BCL2L13: variants seen among roughly 807,000 people sequenced by gnomAD.
BCL2L13 encodes bcl-2-like protein 13.
BCL2L13 carries 13 observed loss-of-function variants against 25.8 expected under a neutral mutation model. The ratio of observed to expected loss-of-function variants is 0.50; its 90% CI spans 0.33 to 0.80. The LOEUF is 0.80. BCL2L13 is among the 30% of genes least tolerant of loss of function. The probability of loss-of-function intolerance (pLI) is 0.02; values close to 1 mark genes in which losing one functional copy is unlikely to be tolerated. For synonymous variants in BCL2L13, 244 were observed against 230.3 expected (o/e 1.06, Z -0.54); for missense variants, 504 against 574.9 (o/e 0.88, Z 1.26).
chr22:17,713,247 T>C (rs1243322899), intron 6 of BCL2L13, among the ~76,000 whole-genome samples: 1 of 152,182 alleles, frequency 6.6e-6, no homozygotes, highest in African/African-American at 2.4e-5. Context: ...AACATAAGAA[T>C]GTGACTATGA....
chr22:17,637,268 A>C (rs1216963351), upstream of BCL2L13, among the ~76,000 whole-genome samples: 1 of 150,968 alleles, frequency 6.6e-6, no homozygotes, highest in East Asian at 2.0e-4. Context: ...TTAGCTGGGC[A>C]TGGTGGTGGG....
intron 6 of BCL2L13, among the ~76,000 whole-genome samples, chr22:17,705,172 C>T (rs2060554526): frequency 2.0e-5 from 3 of 151,694 alleles, no homozygotes; most frequent in Non-Finnish European, 4.4e-5. Flanking sequence ...ACTTGGGAGG[C>T]TAAGGCAGGA....
chr22:17,725,998 C>T (rs2535687), intron 6 of BCL2L13, among the ~76,000 whole-genome samples: 131,027 of 151,986 alleles, frequency 0.86, 56,669 homozygotes, highest in East Asian at 0.94. Context: ...CTGCAACCCA[C>T]CACATGAGGT....
chr22:17,690,628 T>A (rs1489736323), intron 4 of BCL2L13, among the ~76,000 whole-genome samples: 1 of 152,088 alleles, frequency 6.6e-6, no homozygotes, highest in African/African-American at 2.4e-5. Context: ...GCCAGTGTGA[T>A]GGCATGTTCC....
At chr22:17,643,435 C>T (rs1172622557) in intron 1 of BCL2L13, among the ~76,000 whole-genome samples, 1 of 151,660 alleles carries the variant, frequency 6.6e-6, no homozygotes, top group African/African-American at 2.4e-5. Flanking sequence ...TTATTTTACT[C>T]TCTTTCAGAG....
chr22:17,698,968 T>C (rs961314445), intron 5 of BCL2L13, among the ~76,000 whole-genome samples: 1 of 152,246 alleles, frequency 6.6e-6, no homozygotes, highest in African/African-American at 2.4e-5. Flanking sequence ...TTACAAGTTA[T>C]TTTTCCTGTA....
At chr22:17,657,060 C>T (rs1166822749) in intron 2 of BCL2L13, among the ~76,000 whole-genome samples, 1 of 152,088 alleles carries the variant, frequency 6.6e-6, no homozygotes, top group African/African-American at 2.4e-5. Context: ...CTCAGGCAAT[C>T]TGCCCGCCTT....
At chr22:17,715,172 T>TATATA (rs2060909726) in intron 6 of BCL2L13, among the ~76,000 whole-genome samples, 1 of 9,386 alleles carries the variant, frequency 1.1e-4, no homozygotes, top group Non-Finnish European at 2.1e-4. Flanking sequence ...ATATATATAT[T>TATATA]TTTTTTTTTT....
At position 17,730,733 on chromosome 22, in the gene BCL2L13, A is replaced by C. The variant is rs1371917825; in HGVS notation, c.*3199A>C. 2.6e-5 allele frequency: 4 copies of C among 152,118 alleles called. No individual in the cohort carries two copies. Among genetic ancestry groups the C allele is most frequent in the African/African-American group, 9.7e-5 (4 of 41,416 alleles). The allele number at this position is 152,118 out of a possible 1,614,324, so 9.4% of individuals were successfully genotyped here. ...GGCCTTGTAGGCTATCTGATTGCTA[A>C]CAGACACGACCTAGAGCTTCTGCCC... On this transcript the variant is annotated 3_prime_UTR_variant, in exon 7 of 7. Coordinates refer to ENST00000317582, the MANE Select transcript of BCL2L13 (RefSeq NM_015367.4).
intron 2 of BCL2L13, among the ~76,000 whole-genome samples, chr22:17,668,965 A>G (rs751803930): frequency 6.6e-6 from 1 of 151,308 alleles, no homozygotes; most frequent in African/African-American, 2.4e-5. Flanking sequence ...TTATATTGCT[A>G]TAAAGGTACA....
intron 5 of BCL2L13, among the ~76,000 whole-genome samples, chr22:17,697,865 G>A (rs2060310788): frequency 6.6e-6 from 1 of 152,080 alleles, no homozygotes; most frequent in Non-Finnish European, 1.5e-5. Context: ...GTCTAACTCT[G>A]TCGCCCAGGC....
At chr22:17,668,714 C>G (rs567839671) in intron 2 of BCL2L13, among the ~76,000 whole-genome samples, 144 of 152,268 alleles carry the variant, frequency 9.5e-4, no homozygotes, top group African/African-American at 3.1e-3. Flanking sequence ...ATCCACCTGC[C>G]TTGGCCTCCC....
At chr22:17,636,974 C>T (rs1191604284), upstream of BCL2L13, among the ~76,000 whole-genome samples, 1 of 151,920 alleles carries the variant, frequency 6.6e-6, no homozygotes, top group African/African-American at 2.4e-5. Context: ...CTGCACAGAC[C>T]TTAAAAGTAA....
At chr22:17,722,033 T>G (rs1038378497) in intron 6 of BCL2L13, among the ~76,000 whole-genome samples, 51 of 152,174 alleles carry the variant, frequency 3.4e-4, no homozygotes, top group Non-Finnish European at 1.5e-4. Flanking sequence ...TTGGTGTACG[T>G]TTTTCTAAAC....
chr22:17,660,084 G>C lies in BCL2L13; in HGVS notation c.121+4252G>C, dbSNP rs1379832298. 1.4e-5 allele frequency among the ~76,000 whole-genome samples: 2 copies of C among 145,972 alleles called. 1 individual carries two copies. Among genetic ancestry groups the C allele is most frequent in the Admixed American group, 1.4e-4 (2 of 14,584 alleles). ...TTGGCCAGGCTGGTCTCGAACTCTT[G>C]TTCTCAGGTGATCCACCCCACCTTG... On this transcript the variant is annotated intron_variant, in intron 2 of 6. Coordinates refer to ENST00000317582, the MANE Select transcript of BCL2L13 (RefSeq NM_015367.4).
Position 17,700,326 on chromosome 22 carries a change from A to G in BCL2L13, c.457-1917A>G, listed in dbSNP as rs146738966. Among the ~76,000 whole-genome samples the G allele has an allele frequency of 4.9e-3, 741 of 152,350 alleles. 2 individuals carry two copies. Among genetic ancestry groups the G allele is most frequent in the South Asian group, 0.012 (59 of 4,822 alleles). The stretch of plus-strand genomic sequence containing the variant: ...AGGAGTGAAAGAGAATTGCAGATTT[A>G]TCACTAGATTCTTACATAGTAAAAC... On this transcript the variant is annotated intron_variant, in intron 5 of 6. Coordinates refer to ENST00000317582, the MANE Select transcript of BCL2L13 (RefSeq NM_015367.4).
At chr22:17,641,197 A>G (rs936464959) in intron 1 of BCL2L13, among the ~76,000 whole-genome samples, 44 of 152,130 alleles carry the variant, frequency 2.9e-4, no homozygotes, top group African/African-American at 8.7e-4. Context: ...GCCTAAATAG[A>G]TATGTATTTT....
intron 2 of BCL2L13, among the ~76,000 whole-genome samples, chr22:17,668,936 T>C (rs1196723329): frequency 6.6e-6 from 1 of 152,162 alleles, no homozygotes; most frequent in African/African-American, 2.4e-5. Flanking sequence ...TTGAGCACGT[T>C]GTCCTTGTCT....
intron 4 of BCL2L13, among the ~76,000 whole-genome samples, chr22:17,695,149 T>A (rs974058314): frequency 6.6e-6 from 1 of 152,050 alleles, no homozygotes; most frequent in African/African-American, 2.4e-5. Flanking sequence ...TTACAGAAAG[T>A]CTCTTCCTGC....
Sources: allele counts gnomAD v4.1 joint callset (sites outside exome capture counted in the v4.1 genomes callset), GRCh38; gene constraint gnomAD v4.1.1; transcripts MANE v1.5; gene names NCBI Gene and HGNC (gene_info 2026-07-23, HGNC 2026-07-21).